The following RNF180 variants were observed in gnomAD, a reference collection of about 807,000 sequenced individuals.
The protein encoded by RNF180 is E3 ubiquitin-protein ligase RNF180.
In RNF180, 38 loss-of-function variants were observed where a neutral mutation model predicts 59.2. The ratio of observed to expected loss-of-function variants is 0.64; its 90% CI spans 0.50 to 0.84. The LOEUF is 0.84. Ranked by LOEUF, RNF180 falls within the 40% of genes least tolerant of loss-of-function variation. The pLI, the probability that RNF180 is intolerant of heterozygous loss-of-function variation, is 0.00. For synonymous variants in RNF180, 262 were observed against 240.3 expected, an observed-to-expected ratio of 1.09 and a Z score of -0.84; for missense variants, 705 against 700.9, an observed-to-expected ratio of 1.01 and a Z score of -0.07.
At chr5:64,305,939 A>G (rs188726423) in intron 5 of RNF180, among the ~76,000 whole-genome samples, 4 of 151,702 alleles carry the variant, frequency 2.6e-5, no homozygotes, top group African/African-American at 4.8e-5. Flanking sequence ...CTGTTTATAC[A>G]TGGTTTCAAT....
intron 4 of RNF180, 146 bp from the exon 5 acceptor site, chr5:64,217,215 T>TA (rs1239158407): frequency 1.0e-6 from 1 of 958,614 alleles, no homozygotes; most frequent in African/African-American, 1.7e-5. Context: ...TGCTCAGTAG[T>TA]ATTCCATTGT....
intron 5 of RNF180, among the ~76,000 whole-genome samples, chr5:64,323,438 G>A (rs1744471485): frequency 6.6e-6 from 1 of 152,112 alleles, no homozygotes; most frequent in Non-Finnish European, 1.5e-5. Flanking sequence ...CTACTTGGGA[G>A]GCTGAGGCAG....
At chr5:64,364,385 C>T (rs897909702) in intron 7 of RNF180, among the ~76,000 whole-genome samples, 8 of 151,924 alleles carry the variant, frequency 5.3e-5, no homozygotes, top group African/African-American at 1.9e-4. Context: ...TATTGATCCA[C>T]ATACATTGAA....
At chr5:64,173,642 C>G (rs1750065723) in intron 1 of RNF180, among the ~76,000 whole-genome samples, 1 of 151,850 alleles carries the variant, frequency 6.6e-6, no homozygotes, top group Admixed American at 6.6e-5. Context: ...TCCCCTTTCC[C>G]TTTTCCCTCT....
intron 5 of RNF180, among the ~76,000 whole-genome samples, chr5:64,310,350 G>A (rs1743701672): frequency 6.6e-6 from 1 of 151,478 alleles, no homozygotes; most frequent in Non-Finnish European, 1.5e-5. Flanking sequence ...TAGGCTACAG[G>A]GGCACACATA....
chr5:64,340,757 C>A (rs1302952836), intron 7 of RNF180, among the ~76,000 whole-genome samples: 1 of 152,018 alleles, frequency 6.6e-6, no homozygotes, highest in African/African-American at 2.4e-5. Context: ...ATTTTTGTTA[C>A]ACAGTTTACT....
At chr5:64,245,593 A>G (rs184787893) in intron 5 of RNF180, among the ~76,000 whole-genome samples, 1 of 152,350 alleles carries the variant, frequency 6.6e-6, no homozygotes, top group Admixed American at 6.5e-5. Flanking sequence ...TGCACCCAAT[A>G]TGGGAGCACC....
At chr5:64,225,511 C>A (rs1363996515) in intron 5 of RNF180, among the ~76,000 whole-genome samples, 8 of 148,346 alleles carry the variant, frequency 5.4e-5, no homozygotes, top group African/African-American at 1.7e-4. Flanking sequence ...TGAGGAGCGC[C>A]TCTGCCCGGC....
chr5:64,254,936 G>A (rs1580120406), intron 5 of RNF180, among the ~76,000 whole-genome samples: 1 of 152,018 alleles, frequency 6.6e-6, no homozygotes, highest in South Asian at 2.1e-4. Context: ...GGGGAGGAGA[G>A]CCCCATTTTC....
At chr5:64,264,388 C>T (rs1293392709) in intron 5 of RNF180, among the ~76,000 whole-genome samples, 1 of 152,050 alleles carries the variant, frequency 6.6e-6, no homozygotes, top group Admixed American at 6.6e-5. Context: ...CCTTGCCTCC[C>T]ACCCCCGACA....
At chr5:64,298,935 A>G (rs1462688914) in intron 5 of RNF180, among the ~76,000 whole-genome samples, 1 of 151,996 alleles carries the variant, frequency 6.6e-6, no homozygotes, top group Non-Finnish European at 1.5e-5. Context: ...GCAGGAGCCT[A>G]GTCCAAATCA....
At chr5:64,278,169 G>A (rs1741826206) in intron 5 of RNF180, among the ~76,000 whole-genome samples, 1 of 152,152 alleles carries the variant, frequency 6.6e-6, no homozygotes, top group Non-Finnish European at 1.5e-5. Flanking sequence ...AATGGCATGT[G>A]AAAAAGAGGA....
intron 5 of RNF180, among the ~76,000 whole-genome samples, chr5:64,259,786 T>C (rs965121461): frequency 2.0e-5 from 3 of 151,906 alleles, no homozygotes; most frequent in African/African-American, 7.3e-5. Flanking sequence ...CCGGGCGTGG[T>C]GGTGCATGCC....
Position 64,214,592 on chromosome 5 carries a change from A to G in RNF180, c.1191+75A>G, listed in dbSNP as rs553416507. The G allele has an allele frequency of 3.3e-5, 43 of 1,316,452 alleles. 1 individual carries two copies. The South Asian group carries it at 6.0e-4, about 18-fold the overall frequency. 81.5% of individuals were successfully genotyped at this position (1,316,452 alleles called of 1,614,324 possible). A position where few individuals can be genotyped will look rare whatever the true frequency, so the allele number is the denominator to read the frequency against. The stretch of plus-strand genomic sequence containing the variant: ...AGTTTGGGGAGTGGAGCTAACTTTC[A>G]ACATCTGTATAATAAAAACTTGGTT... On this transcript the variant is annotated intron_variant, in intron 4 of 7. Coordinates refer to ENST00000389100, the MANE Select transcript of RNF180 (RefSeq NM_001113561.2).
chr5:64,354,930 A>T (rs1745958177), intron 7 of RNF180, among the ~76,000 whole-genome samples: 1 of 151,922 alleles, frequency 6.6e-6, no homozygotes, highest in Non-Finnish European at 1.5e-5. Flanking sequence ...CTTCAACATG[A>T]CACTGGGCAC....
At chr5:64,236,948 T>C (rs1742479772) in intron 5 of RNF180, among the ~76,000 whole-genome samples, 1 of 152,174 alleles carries the variant, frequency 6.6e-6, no homozygotes, top group African/African-American at 2.4e-5. Flanking sequence ...AATGCCTGGA[T>C]GTCCAGGCAA....
intron 4 of RNF180, among the ~76,000 whole-genome samples, chr5:64,217,026 C>T (rs1003764656): frequency 2.0e-5 from 3 of 152,140 alleles, no homozygotes; most frequent in Non-Finnish European, 4.4e-5. Flanking sequence ...CTGAAAACCA[C>T]TGATGTGTTC....
chr5:64,192,955 C>T (rs1339184702), intron 1 of RNF180, among the ~76,000 whole-genome samples: 3 of 111,448 alleles, frequency 2.7e-5, no homozygotes, highest in Non-Finnish European at 3.6e-5. Context: ...AAACATTCAG[C>T]ATCGAAAAAG....
intron 2 of RNF180, among the ~76,000 whole-genome samples, chr5:64,201,818 C>T (rs540644087): frequency 6.6e-6 from 1 of 152,264 alleles, no homozygotes; most frequent in South Asian, 2.1e-4. Flanking sequence ...TGGCTCACTG[C>T]AACCTCCACC....
Sources: allele counts gnomAD v4.1 joint callset (sites outside exome capture counted in the v4.1 genomes callset), GRCh38; gene constraint gnomAD v4.1.1; transcripts MANE v1.5; gene names NCBI Gene and HGNC (gene_info 2026-07-23, HGNC 2026-07-21).